ADCY1: variants seen among roughly 807,000 people sequenced by gnomAD.
ADCY1 encodes adenylate cyclase type 1.
ADCY1 carries 28 observed loss-of-function variants against 105.4 expected under a neutral mutation model. The observed-to-expected ratio is 0.27, with a 90% confidence interval of 0.20 to 0.36. ADCY1 has a LOEUF of 0.36. Among genes scored for constraint, ADCY1 ranks in the 10% least tolerant of loss-of-function variants. The pLI, the probability that ADCY1 is intolerant of heterozygous loss-of-function variation, is 1.00. For synonymous variants in ADCY1, 655 were observed against 623.8 expected (o/e 1.05, Z -0.75); for missense variants, 977 against 1,434.2 (o/e 0.68, Z 5.15).
At chr7:45,634,947 T>C (rs1034709164) in intron 4 of ADCY1, among the ~76,000 whole-genome samples, 1 of 152,258 alleles carries the variant, frequency 6.6e-6, no homozygotes, top group African/African-American at 2.4e-5. Flanking sequence ...AAGATAATGC[T>C]TAACTCATAG....
intron 4 of ADCY1, among the ~76,000 whole-genome samples, chr7:45,642,290 T>C (rs1277542080): frequency 6.6e-6 from 1 of 152,158 alleles, no homozygotes; most frequent in Non-Finnish European, 1.5e-5. Context: ...GTGCATGGGC[T>C]CAGGGCTATA....
At chr7:45,587,793 C>T (rs1252197817) in intron 1 of ADCY1, among the ~76,000 whole-genome samples, 1 of 152,164 alleles carries the variant, frequency 6.6e-6, no homozygotes, top group Non-Finnish European at 1.5e-5. Flanking sequence ...CAGGAGGCCT[C>T]AGAGGACATG....
In ADCY1 at chr7:45,657,656, T is replaced by C. The variant is rs1794978084; in HGVS notation, c.1149-71T>C. 3.2e-5 allele frequency: 48 copies of C among 1,509,496 alleles called. No homozygotes were observed. The South Asian group carries it at 5.9e-4, about 19-fold the overall frequency. 93.5% of individuals were successfully genotyped at this position (1,509,496 alleles called of 1,614,324 possible). On this transcript the variant is annotated intron_variant, in intron 5 of 19. Coordinates refer to ENST00000297323, the MANE Select transcript of ADCY1 (RefSeq NM_021116.4). ...TTCCCTGGTGCTCACAGCCTAGCAG[T>C]GCAGACCAAGGTGGCCCCCTGGGAG...
intron 2 of ADCY1, among the ~76,000 whole-genome samples, chr7:45,600,888 A>G (rs980190538): frequency 6.6e-6 from 1 of 151,944 alleles, no homozygotes; most frequent in Non-Finnish European, 1.5e-5. Context: ...ATTAGGGCCC[A>G]CTCAATTACC....
rs1315572568 is a variant in ADCY1, at chr7:45,574,594, G to T, written c.51G>T (p.Glu17Asp). The T allele has an allele frequency of 2.8e-6, 3 of 1,078,380 alleles. No homozygotes were observed. In the East Asian group the frequency reaches 1.8e-4, roughly 63 times the overall value. 66.8% of individuals were successfully genotyped at this position (1,078,380 alleles called of 1,614,324 possible). A position where few individuals can be genotyped will look rare whatever the true frequency, so the allele number is the denominator to read the frequency against. The stretch of plus-strand genomic sequence containing the variant: ...GCGGCGGCGGAGGCGGCGCGGGCGA[G>T]CCCGGGGGCGCCGAGCGGGCGGCCG... ...GGGGGGGGAG[E>D]PGGAERAAGT... The change falls in exon 1 of 20, where the codon GAG (glutamate) becomes GAT (aspartate). Residue 17 changes from glutamate to aspartate, a missense_variant. This residue lies in a region of ADCY1 where 209 missense variants were observed against 222.5 expected (regional missense o/e 0.94). Coordinates refer to ENST00000297323, the MANE Select transcript of ADCY1 (RefSeq NM_021116.4). This position sits in a 1 kb window ranked among gnomAD's most constrained non-coding sequence, Gnocchi z 7.0.
chr7:45,654,439 T>C (rs1794888557), intron 5 of ADCY1, among the ~76,000 whole-genome samples: 1 of 152,216 alleles, frequency 6.6e-6, no homozygotes, highest in East Asian at 1.9e-4. Context: ...CTGACCCACT[T>C]TTGAGCTGCT....
chr7:45,660,347 G>T (rs1649374127), intron 7 of ADCY1, among the ~76,000 whole-genome samples, 164 bp downstream of exon 7: 1 of 152,086 alleles, frequency 6.6e-6, no homozygotes, highest in African/African-American at 2.4e-5. Flanking sequence ...CCTGAGCCTT[G>T]TCTCTTACTG....
intron 4 of ADCY1, 67 bp downstream of exon 4, chr7:45,622,810 T>G: frequency 7.9e-7 from 1 of 1,266,958 alleles, no homozygotes; most frequent in Non-Finnish European, 1.1e-6. Flanking sequence ...ATAAGCCAGG[T>G]GGATTCCCTG....
intron 8 of ADCY1, among the ~76,000 whole-genome samples, chr7:45,668,847 G>T (rs898323580): frequency 7.9e-5 from 12 of 152,092 alleles, no homozygotes; most frequent in African/African-American, 2.9e-4. Flanking sequence ...CTTCTTCCTG[G>T]TTTAGTCTTG....
chr7:45,596,314 T>C (rs879892908), intron 2 of ADCY1, among the ~76,000 whole-genome samples: 4 of 150,270 alleles, frequency 2.7e-5, no homozygotes, highest in African/African-American at 7.4e-5. Flanking sequence ...CAACGGGTGA[T>C]GGGAGTGGAT....
intron 2 of ADCY1, among the ~76,000 whole-genome samples, chr7:45,594,206 ATATGTGTG>A (rs1186305195): frequency 6.6e-6 from 1 of 151,838 alleles, no homozygotes; most frequent in Admixed American, 6.6e-5. Flanking sequence ...GGATATGTGT[ATATGTGTG>A]TATGCGCATG....
chr7:45,685,820 C>A, intron 12 of ADCY1, 142 bp from the exon 13 acceptor site: 2 of 1,065,190 alleles, frequency 1.9e-6, no homozygotes, highest in Non-Finnish European at 2.6e-6. Flanking sequence ...GCCATGAGGT[C>A]TGTGGCTTGG....
At chr7:45,643,746 G>A (rs902378961) in intron 4 of ADCY1, among the ~76,000 whole-genome samples, 1 of 151,574 alleles carries the variant, frequency 6.6e-6, no homozygotes, top group African/African-American at 2.4e-5. Context: ...TGTTCCTCCC[G>A]TGCGTGTAGT....
chr7:45,625,950 A>C (rs563542694), intron 4 of ADCY1, among the ~76,000 whole-genome samples: 1 of 152,316 alleles, frequency 6.6e-6, no homozygotes, highest in South Asian at 2.1e-4. Context: ...CCCAGTGACC[A>C]TGCAGGATTG....
intron 4 of ADCY1, among the ~76,000 whole-genome samples, chr7:45,637,346 G>A (rs925143298): frequency 1.3e-5 from 2 of 152,134 alleles, no homozygotes; most frequent in Admixed American, 6.5e-5. Flanking sequence ...AAAAATATCT[G>A]ATCTGTTTAT....
At chr7:45,629,588 G>A (rs1249919963) in intron 4 of ADCY1, among the ~76,000 whole-genome samples, 3 of 150,078 alleles carry the variant, frequency 2.0e-5, no homozygotes, top group Admixed American at 6.7e-5. Flanking sequence ...GCGCAATCTC[G>A]GCTCACTGCA....
At position 45,578,680 on chromosome 7, in the gene ADCY1, G is replaced by A. The variant is rs1422828881; in HGVS notation, c.639+3498G>A. Among the ~76,000 whole-genome samples the A allele has an allele frequency of 6.6e-5, 10 of 152,310 alleles. No individual in the cohort carries two copies. In the East Asian group the frequency reaches 1.9e-3, roughly 29 times the overall value. Reference sequence around the variant, plus strand: ...CTTGGGAAAGGGGGGCCTGGGCAGGGCCCCAGTCCTTCCCACAGGAGTCCG... The same window carrying A: ...CTTGGGAAAGGGGGGCCTGGGCAGGACCCCAGTCCTTCCCACAGGAGTCCG... On this transcript the variant is annotated intron_variant, in intron 1 of 19. Transcript: ENST00000297323.
chr7:45,690,302 T>A (rs970362597), intron 14 of ADCY1, among the ~76,000 whole-genome samples: 2 of 152,204 alleles, frequency 1.3e-5, no homozygotes, highest in African/African-American at 4.8e-5. Context: ...GCCCTTATGA[T>A]GCTTGGACTA....
chr7:45,708,366 C>T lies in ADCY1; in HGVS notation c.2834C>T (p.Ser945Phe), dbSNP rs778595044. 4 of 1,614,118 alleles carry T rather than the reference C, an allele frequency of 2.5e-6. No homozygotes were observed. The highest frequency in any genetic ancestry group is 3.4e-6 in the Non-Finnish European group (4 of 1,179,948). Reference sequence around the variant, plus strand: ...TACACCTAGGCTAAGAAGTCCATCTCCTCCCACCTGAGCACGCTGGCGGAC... The same window carrying T: ...TACACCTAGGCTAAGAAGTCCATCTTCTCCCACCTGAGCACGCTGGCGGAC... ...TSGTKAKKSI[S>F]SHLSTLADFA... The change falls in exon 18 of 20, where the codon TCC becomes TTC. Residue 945 changes from serine (S) to phenylalanine (F), a missense_variant. Coordinates refer to ENST00000297323, the MANE Select transcript of ADCY1 (RefSeq NM_021116.4). This position sits in a 1 kb window ranked among gnomAD's most constrained non-coding sequence, Gnocchi z 4.7.
Sources: gnomAD v4.1 joint callset for allele counts (sites outside exome capture counted in the v4.1 genomes callset) on GRCh38, gnomAD v4.1.1 for gene constraint, gnomAD v4.1.1 regional missense constraint, Gnocchi (gnomAD v3.1) non-coding constraint, MANE v1.5 for transcripts, NCBI Gene and HGNC (gene_info 2026-07-23, HGNC 2026-07-21) for gene names.